ITIH2: variants seen among roughly 807,000 people sequenced by gnomAD.
ITIH2 encodes the protein inter-alpha-trypsin inhibitor heavy chain H2.
In ITIH2, 103 loss-of-function variants were observed where a neutral mutation model predicts 104.4. That is an observed-to-expected ratio of 0.99 (90% confidence interval 0.84 to 1.16). The LOEUF (loss-of-function observed/expected upper bound fraction) is 1.16, where lower values mean the gene tolerates loss of function less well. Ranked by LOEUF, ITIH2 falls within the 50% of genes most tolerant of loss-of-function variation. The probability of loss-of-function intolerance (pLI) is 0.00; values close to 1 mark genes in which losing one functional copy is unlikely to be tolerated. For missense variants in ITIH2, 1,108 were observed against 1,162.4 expected (o/e 0.95, Z 0.68); for synonymous variants, 436 against 435.4 (o/e 1.00, Z -0.02).
At chr10:7,735,649 TTTTTCTTTTCTTTTC>T (rs199717787) in intron 15 of ITIH2, among the ~76,000 whole-genome samples, 7 of 150,946 alleles carry the variant, frequency 4.6e-5, no homozygotes, top group South Asian at 2.1e-4. Context: ...CACTGTTTTC[TTTTTCTTTTCTTTTC>T]TTTTCTTTTC....
chr10:7,735,164 C>A, intron 15 of ITIH2, 73 bp downstream of exon 15: 1 of 1,358,854 alleles, frequency 7.4e-7, no homozygotes, highest in Non-Finnish European at 1.0e-6. Flanking sequence ...GTCCTAGTGC[C>A]TCCGCTCTCT....
At chr10:7,721,026 CCTT>C in intron 7 of ITIH2, 63 bp downstream of exon 7, 2 of 1,016,380 alleles carry the variant, frequency 2.0e-6, no homozygotes, top group Non-Finnish European at 3.1e-6. Context: ...GTTCTGTTCT[CCTT>C]CTGTGCTCTG....
At chr10:7,715,419 CA>C (rs796129147) in intron 5 of ITIH2, among the ~76,000 whole-genome samples, 268 of 140,934 alleles carry the variant, frequency 1.9e-3, no homozygotes, top group Admixed American at 5.2e-3. Flanking sequence ...GATTCCTTCT[CA>C]AAAAAAAAAA....
At position 7,721,793 on chromosome 10, in the gene ITIH2, C is replaced by T. The variant is rs1412266663; in HGVS notation, c.867+16C>T. 2 of 1,612,770 alleles carry T rather than the reference C, an allele frequency of 1.2e-6. No individual in the cohort carries two copies. Among genetic ancestry groups the T allele is most frequent in the Admixed American group, 1.7e-5 (1 of 59,940 alleles). On this transcript the variant is annotated intron_variant, in intron 8 of 20. Transcript: ENST00000358415. ...TGAACTGGAGGTGAGTGCACACCGG[C>T]TCTGGTTCTACTGCCAAGCTCGTGC...
At chr10:7,732,649 C>T (rs1835014828) in intron 14 of ITIH2, among the ~76,000 whole-genome samples, 172 bp downstream of exon 14, 2 of 152,272 alleles carry the variant, frequency 1.3e-5, no homozygotes, top group African/African-American at 2.4e-5. Context: ...GCTGGGTTCA[C>T]TCTTTTTCTT....
intron 6 of ITIH2, among the ~76,000 whole-genome samples, chr10:7,718,871 C>T (rs1834875849): frequency 1.3e-5 from 2 of 152,178 alleles, no homozygotes; most frequent in African/African-American, 2.4e-5. Flanking sequence ...CCATCATCAC[C>T]GCAGGGGAGC....
At chr10:7,728,700 T>C (rs901085075) in intron 11 of ITIH2, among the ~76,000 whole-genome samples, 2 of 152,152 alleles carry the variant, frequency 1.3e-5, no homozygotes, top group African/African-American at 4.8e-5. Context: ...CAAGCTATCT[T>C]TGTTTTACTT....
intron 16 of ITIH2, among the ~76,000 whole-genome samples, chr10:7,742,297 T>G (rs3802590): frequency 0.26 from 39,905 of 151,810 alleles, 5,705 homozygotes; most frequent in East Asian, 0.48. Context: ...GGAAGGATTA[T>G]CTAAAATAAT....
At chr10:7,713,124 GGA>G in intron 4 of ITIH2, 55 bp from the exon 5 acceptor site, 3 of 1,379,596 alleles carry the variant, frequency 2.2e-6, no homozygotes, top group Admixed American at 1.8e-5. Context: ...CATCTCGAGG[GGA>G]AAAAAAAAAA....
intron 3 of ITIH2, among the ~76,000 whole-genome samples, chr10:7,707,458 T>C (rs182519200): frequency 5.9e-5 from 9 of 152,302 alleles, no homozygotes; most frequent in Admixed American, 5.9e-4. Context: ...CTTCTCTTCA[T>C]TTTCTTGAGT....
At chr10:7,729,571 T>TTTTTACCTTG in intron 11 of ITIH2, among the ~76,000 whole-genome samples, 1 of 149,864 alleles carries the variant, frequency 6.7e-6, no homozygotes. Context: ...ATTTACCTTG[T>TTTTTACCTTG]TTTTTTTTTC....
chr10:7,717,449 G>A (rs1834860506), intron 5 of ITIH2, among the ~76,000 whole-genome samples, 177 bp from the exon 6 acceptor site: 1 of 152,198 alleles, frequency 6.6e-6, no homozygotes, highest in East Asian at 1.9e-4. Context: ...TGAAGCTCTT[G>A]TTGGGATTCA....
At chr10:7,744,736 T>C (rs1835159231) in intron 18 of ITIH2, 55 bp from the exon 19 acceptor site, 101 of 1,485,486 alleles carry the variant, frequency 6.8e-5, no homozygotes, top group Non-Finnish European at 8.7e-5. Flanking sequence ...GAAGAATGAC[T>C]TTCTCAAAAG....
chr10:7,741,234 A>G (rs1835121379), intron 16 of ITIH2, among the ~76,000 whole-genome samples: 3 of 141,778 alleles, frequency 2.1e-5, no homozygotes, highest in Admixed American at 7.6e-5. Flanking sequence ...GCTGGAGTGC[A>G]ATGGCTCGAT....
intron 20 of ITIH2, among the ~76,000 whole-genome samples, chr10:7,747,897 C>G (rs1835194866): frequency 6.6e-6 from 1 of 150,870 alleles, no homozygotes; most frequent in South Asian, 2.1e-4. Flanking sequence ...AGACCTGTCT[C>G]ATAAATAAAT....
At chr10:7,721,475 T>C (rs1204720719) in intron 7 of ITIH2, among the ~76,000 whole-genome samples, 174 bp from the exon 8 acceptor site, 1 of 152,218 alleles carries the variant, frequency 6.6e-6, no homozygotes, top group African/African-American at 2.4e-5. Context: ...AGGCTAGAGA[T>C]GCTCCCTGCA....
At chr10:7,722,429 G>A (rs1834913448) in intron 8 of ITIH2, among the ~76,000 whole-genome samples, 1 of 152,074 alleles carries the variant, frequency 6.6e-6, no homozygotes, top group African/African-American at 2.4e-5. Flanking sequence ...CAAAGAGGAT[G>A]GTCAGGAGTC....
At chr10:7,719,782 A>AAAAC (rs754890159) in intron 6 of ITIH2, among the ~76,000 whole-genome samples, 2,900 of 136,998 alleles carry the variant, frequency 0.021, 74 homozygotes, top group Non-Finnish European at 0.034. Flanking sequence ...AAAAAAAAAA[A>AAAAC]AGAAAGAAAG....
Position 7,724,570 on chromosome 10 carries a change from CA to C in ITIH2, c.984+1020del, listed in dbSNP as rs374923183. On this transcript the variant is annotated intron_variant, in intron 9 of 20. Coordinates refer to ENST00000358415, the MANE Select transcript of ITIH2 (RefSeq NM_002216.3). ...GGGCAACAAGAGCGAAACTCCATCT[CA>C]AAAAAAAAAAAAAAAAGAAGAGGAA... 6.2e-4 allele frequency among the ~76,000 whole-genome samples: 32 copies of C among 51,856 alleles called. 1 individual carries two copies. Among genetic ancestry groups the C allele is most frequent in the East Asian group, 1.1e-3 (2 of 1,832 alleles). 34.0% of individuals were successfully genotyped at this position (51,856 alleles called of 152,430 possible). A position where few individuals can be genotyped will look rare whatever the true frequency, so the allele number is the denominator to read the frequency against.
Sources: allele counts gnomAD v4.1 joint callset (sites outside exome capture counted in the v4.1 genomes callset), GRCh38; gene constraint gnomAD v4.1.1; transcripts MANE v1.5; gene names NCBI Gene and HGNC (gene_info 2026-07-23, HGNC 2026-07-21).